The following PLCG1 variants were observed in gnomAD, a reference collection of about 807,000 sequenced individuals.
The protein encoded by PLCG1 is 1-phosphatidylinositol 4,5-bisphosphate phosphodiesterase gamma-1.
In PLCG1, 71 loss-of-function variants were observed where a neutral mutation model predicts 177.8. The observed-to-expected ratio is 0.40, with a 90% CI of 0.33 to 0.49. PLCG1 has a LOEUF of 0.49. Among genes scored for constraint, PLCG1 ranks in the 20% least tolerant of loss-of-function variants. The pLI is 0.72. For missense variants in PLCG1, 1,281 were observed against 1,709.0 expected, an observed-to-expected ratio of 0.75 and a Z score of 4.42; for synonymous variants, 658 against 647.9, an observed-to-expected ratio of 1.02 and a Z score of -0.24.
chr20:41,173,383 G>A lies in PLCG1; in HGVS notation c.3280-37G>A. On this transcript the variant is annotated intron_variant, in intron 27 of 31. Transcript: ENST00000685551. The surrounding 1 kb of genome is among the most constrained non-coding windows in gnomAD (Gnocchi z 6.2). Reference sequence around the variant, plus strand: ...CGCAGTGGGGAATTGGAGGGAGCAGGAAGGACAATCCCAGGCCCTTCTTTG... The same window carrying A: ...CGCAGTGGGGAATTGGAGGGAGCAGAAAGGACAATCCCAGGCCCTTCTTTG... 2.0e-6 allele frequency: 3 copies of A among 1,528,022 alleles called. No individual in the cohort carries two copies. Among genetic ancestry groups the A allele is most frequent in the Non-Finnish European group, 2.6e-6 (3 of 1,135,724 alleles). 94.7% of individuals were successfully genotyped at this position (1,528,022 alleles called of 1,614,324 possible).
chr20:41,153,725 G>A lies in PLCG1; in HGVS notation c.218-5881G>A, dbSNP rs1390665490. Among the ~76,000 whole-genome samples the A allele has an allele frequency of 3.3e-5, 5 of 152,078 alleles. No homozygotes were observed. The highest frequency in any genetic ancestry group is 1.9e-4 in the East Asian group (1 of 5,188). On this transcript the variant is annotated intron_variant, in intron 1 of 31. Coordinates refer to ENST00000685551, the MANE Select transcript of PLCG1 (RefSeq NM_002660.3). The surrounding 1 kb of genome is among the most constrained non-coding windows in gnomAD (Gnocchi z 5.1). Reference sequence around the variant, plus strand: ...CAGCTGGCCAACATGGTGAAACCCCGTCTCTACTAAAAATACAAAAATCAG... The same window carrying A: ...CAGCTGGCCAACATGGTGAAACCCCATCTCTACTAAAAATACAAAAATCAG...
In PLCG1 at chr20:41,164,109, G is replaced by A. The variant is rs2146040706; in HGVS notation, c.1125G>A (p.Met375Ile). 6.2e-7 allele frequency: 1 copy of A among 1,614,174 alleles called. No individual in the cohort carries two copies. Among genetic ancestry groups the A allele is most frequent in the East Asian group, 2.2e-5 (1 of 44,866 alleles). The change falls in exon 12 of 32, where the codon ATG becomes ATA. Residue 375 changes from methionine to isoleucine, a missense_variant. By Grantham distance (10) the Met-to-Ile change is conservative. Coordinates refer to ENST00000685551, the MANE Select transcript of PLCG1 (RefSeq NM_002660.3). This position sits in a 1 kb window ranked among gnomAD's most constrained non-coding sequence, Gnocchi z 6.4. ...ACTGCTGGGACGGCCCGGATGGGATGCCAGTTATTTACCATGGGCACACCC... is the reference window on the plus strand; with the variant it reads ...ACTGCTGGGACGGCCCGGATGGGATACCAGTTATTTACCATGGGCACACCC... Reference protein sequence around the residue: ...ELDCWDGPDGMPVIYHGHTLT... With the variant: ...ELDCWDGPDGIPVIYHGHTLT...
Position 41,166,611 on chromosome 20 carries a change from C to G in PLCG1, c.2120+16C>G. The G allele has an allele frequency of 6.2e-7, 1 of 1,614,148 alleles. No homozygotes were observed. The highest frequency in any genetic ancestry group is 8.5e-7 in the Non-Finnish European group (1 of 1,180,018). ...TCTCTTTCCGGTGAGGGGTGTGGCA[C>G]TGGGTTGTGGGGCCTTGCTTGGGTC... On this transcript the variant is annotated intron_variant, in intron 18 of 31. Coordinates refer to ENST00000685551, the MANE Select transcript of PLCG1 (RefSeq NM_002660.3). This position sits in a 1 kb window ranked among gnomAD's most constrained non-coding sequence, Gnocchi z 8.6.
intron 1 of PLCG1, among the ~76,000 whole-genome samples, chr20:41,155,136 A>G (rs1189708572): frequency 6.6e-6 from 1 of 152,234 alleles, no homozygotes; most frequent in East Asian, 1.9e-4. Context: ...TGGCCTCGTC[A>G]TATAACCTTT....
intron 1 of PLCG1, among the ~76,000 whole-genome samples, chr20:41,149,991 C>A (rs1479710359): frequency 6.6e-6 from 1 of 151,908 alleles, no homozygotes; most frequent in South Asian, 2.1e-4. Flanking sequence ...CCCAGGAGTT[C>A]AAGAACAGCC....
At chr20:41,170,079 A>G (rs768956275) in intron 23 of PLCG1, 33 bp from the exon 24 acceptor site, 45 of 1,579,902 alleles carry the variant, frequency 2.8e-5, no homozygotes, top group South Asian at 3.5e-5. Context: ...TGAGATGTCT[A>G]TTCCCAGCTG....
rs2035069983 is a variant in PLCG1 at position 41,148,661 on chromosome 20, GCA to G, written c.217+10804_217+10805del. On this transcript the variant is annotated intron_variant, in intron 1 of 31. Transcript: ENST00000685551. The surrounding 1 kb of genome is among the most constrained non-coding windows in gnomAD (Gnocchi z 4.3). Reference sequence around the variant, plus strand: ...GAGCATTGAAGATGGCAGACATGGTGCAGTCTCTCAAGGAGTTTACGCTCTAG... The same window carrying G: ...GAGCATTGAAGATGGCAGACATGGTGGTCTCTCAAGGAGTTTACGCTCTAG... Among the ~76,000 whole-genome samples the G allele has an allele frequency of 1.3e-5, 2 of 152,312 alleles. No homozygotes were observed. The highest frequency in any genetic ancestry group is 6.5e-5 in the Admixed American group (1 of 15,304).
At position 41,173,563 on chromosome 20, in the gene PLCG1, C is replaced by T. The variant is rs769976276; in HGVS notation, c.3394+29C>T. ...AGTCTGTCTTCCCAGTCATCCTCCTCATCCTGCTGGGGCACTGCAAGCCTC... is the reference window on the plus strand; with the variant it reads ...AGTCTGTCTTCCCAGTCATCCTCCTTATCCTGCTGGGGCACTGCAAGCCTC... On this transcript the variant is annotated intron_variant, in intron 28 of 31. Coordinates refer to ENST00000685551, the MANE Select transcript of PLCG1 (RefSeq NM_002660.3). This position sits in a 1 kb window ranked among gnomAD's most constrained non-coding sequence, Gnocchi z 6.2. The T allele has an allele frequency of 8.7e-6, 14 of 1,613,906 alleles. No homozygotes were observed. In the South Asian group the frequency reaches 8.8e-5, roughly 10 times the overall value.
intron 1 of PLCG1, among the ~76,000 whole-genome samples, chr20:41,140,524 G>C (rs2034788269): frequency 1.3e-5 from 2 of 152,218 alleles, no homozygotes; most frequent in African/African-American, 2.4e-5. Flanking sequence ...GGTGTTGGTA[G>C]ACCTGAGGGA....
rs1218022201 is a variant in PLCG1 at position 41,148,266 on chromosome 20, G to A, written c.217+10408G>A. Among the ~76,000 whole-genome samples the A allele has an allele frequency of 3.9e-5, 6 of 152,322 alleles. No individual in the cohort carries two copies. The highest frequency in any genetic ancestry group is 7.4e-5 in the Non-Finnish European group (5 of 68,016). The stretch of plus-strand genomic sequence containing the variant: ...AGGCAGGAACCAAGGTTGGGGTGGT[G>A]AGATGTCATGGGGTTCAGGGAGTGG... On this transcript the variant is annotated intron_variant, in intron 1 of 31. Coordinates refer to ENST00000685551, the MANE Select transcript of PLCG1 (RefSeq NM_002660.3). This position sits in a 1 kb window ranked among gnomAD's most constrained non-coding sequence, Gnocchi z 4.3.
At position 41,159,806 on chromosome 20, in the gene PLCG1, C is replaced by G; in HGVS notation, c.370+48C>G. ...AGGTAGAGGATAGTTAGGGGAATGC[C>G]TGCTGGCTCCTGCCCAGTGGGAGGT... On this transcript the variant is annotated intron_variant, in intron 2 of 31. Coordinates refer to ENST00000685551, the MANE Select transcript of PLCG1 (RefSeq NM_002660.3). This position sits in a 1 kb window ranked among gnomAD's most constrained non-coding sequence, Gnocchi z 6.0. The G allele has an allele frequency of 6.2e-7, 1 of 1,613,512 alleles. No homozygotes were observed. Among genetic ancestry groups the G allele is most frequent in the Non-Finnish European group, 8.5e-7 (1 of 1,179,400 alleles).
In PLCG1 at chr20:41,157,070, G is replaced by A. The variant is rs1358643204; in HGVS notation, c.218-2536G>A. On this transcript the variant is annotated intron_variant, in intron 1 of 31. Transcript: ENST00000685551. This position sits in a 1 kb window ranked among gnomAD's most constrained non-coding sequence, Gnocchi z 5.4. ...AAGACAGTACAAGGGATCAGGTGTG[G>A]CCAACAGGAACTTGGGAGCATTGGA... 6.6e-6 allele frequency among the ~76,000 whole-genome samples: 1 copy of A among 152,266 alleles called. No individual in the cohort carries two copies. Among genetic ancestry groups the A allele is most frequent in the Non-Finnish European group, 1.5e-5 (1 of 68,054 alleles).
In PLCG1 at chr20:41,162,447, C is replaced by T. The variant is rs2035539083; in HGVS notation, c.513-5C>T. 2 of 1,611,850 alleles carry T rather than the reference C, an allele frequency of 1.2e-6. No homozygotes were observed. Among genetic ancestry groups the T allele is most frequent in the Non-Finnish European group, 1.7e-6 (2 of 1,178,218 alleles). ...AGACCACTGGGGATGTCCCTGTTTT[C>T]TCAGTATATCAGCCAAGGACCTGAA... On this transcript the variant is annotated splice_polypyrimidine_tract_variant and splice_region_variant and intron_variant, in intron 4 of 31. Coordinates refer to ENST00000685551, the MANE Select transcript of PLCG1 (RefSeq NM_002660.3).
Position 41,174,001 on chromosome 20 carries a change from T to C in PLCG1, c.3635T>C (p.Phe1212Ser). The C allele has an allele frequency of 1.9e-6, 3 of 1,613,940 alleles. No homozygotes were observed. Among genetic ancestry groups the C allele is most frequent in the Non-Finnish European group, 2.5e-6 (3 of 1,179,866 alleles). ...LASLLIKIDIFPAKQENGDLS... is the reference protein window; with the variant it reads ...LASLLIKIDISPAKQENGDLS... Reference sequence around the variant, plus strand: ...TCCCTGCTGATCAAGATTGACATTTTCCCTGCCAAGGTATCTGCAGCAGGG... The same window carrying C: ...TCCCTGCTGATCAAGATTGACATTTCCCCTGCCAAGGTATCTGCAGCAGGG... Residue 1212 changes from phenylalanine to serine, a missense_variant, in exon 30 of 32, where the codon TTC (phenylalanine) becomes TCC (serine). By Grantham distance (155) the Phe-to-Ser change is radical. This residue lies in a region of PLCG1 where 153 missense variants were observed against 153.2 expected (regional missense o/e 1.00). Coordinates refer to ENST00000685551, the MANE Select transcript of PLCG1 (RefSeq NM_002660.3). This position sits in a 1 kb window ranked among gnomAD's most constrained non-coding sequence, Gnocchi z 5.8.
At chr20:41,170,940 G>A (rs1290739817) in intron 24 of PLCG1, 3 of 152,490 alleles carry the variant, frequency 2.0e-5, no homozygotes, top group African/African-American at 7.2e-5. Context: ...GGTGACTGGG[G>A]TTTGAGCAGG....
rs1402291945 is a variant in PLCG1, at chr20:41,164,425, T to C, written c.1217+224T>C. The stretch of plus-strand genomic sequence containing the variant: ...CGTGTTGGGCCCACTCTCTTCTTCA[T>C]GGGTCCTTTAGACTGTAGAACACAT... On this transcript the variant is annotated intron_variant, in intron 12 of 31. Coordinates refer to ENST00000685551, the MANE Select transcript of PLCG1 (RefSeq NM_002660.3). The surrounding 1 kb of genome is among the most constrained non-coding windows in gnomAD (Gnocchi z 6.4). 2.0e-5 allele frequency among the ~76,000 whole-genome samples: 3 copies of C among 152,100 alleles called. No individual in the cohort carries two copies. Among genetic ancestry groups the C allele is most frequent in the Non-Finnish European group, 4.4e-5 (3 of 68,018 alleles).
Position 41,160,809 on chromosome 20 carries a change from GGT to G in PLCG1, c.512+660_512+661del, listed in dbSNP as rs2035469712. Among the ~76,000 whole-genome samples, 2 of 152,286 alleles carry G rather than the reference GGT, an allele frequency of 1.3e-5. No homozygotes were observed. The highest frequency in any genetic ancestry group is 1.3e-4 in the Admixed American group (2 of 15,306). On this transcript the variant is annotated intron_variant, in intron 4 of 31. Transcript: ENST00000685551. This position sits in a 1 kb window ranked among gnomAD's most constrained non-coding sequence, Gnocchi z 5.5. ...AATGTCCTTAACAGATTGATTTTGG[GGT>G]GTGAGAGGCATTGAGGATAATAGTA...
Position 41,163,534 on chromosome 20 carries a change from G to C in PLCG1, c.891+55G>C. On this transcript the variant is annotated intron_variant, in intron 9 of 31. Coordinates refer to ENST00000685551, the MANE Select transcript of PLCG1 (RefSeq NM_002660.3). This position sits in a 1 kb window ranked among gnomAD's most constrained non-coding sequence, Gnocchi z 5.2. Reference sequence around the variant, plus strand: ...CAAGAGAATGAGTAGGGGTGACCAGGACCCCACCCGGGCTCCAGGAGCTAG... The same window carrying C: ...CAAGAGAATGAGTAGGGGTGACCAGCACCCCACCCGGGCTCCAGGAGCTAG... 2 of 1,318,706 alleles carry C rather than the reference G, an allele frequency of 1.5e-6. No individual in the cohort carries two copies. Among genetic ancestry groups the C allele is most frequent in the Non-Finnish European group, 1.1e-6 (1 of 915,336 alleles). The allele number at this position is 1,318,706 out of a possible 1,614,324, so 81.7% of individuals were successfully genotyped here.
rs1309897499 is a variant in PLCG1 at position 41,156,485 on chromosome 20, G to A, written c.218-3121G>A. Among the ~76,000 whole-genome samples the A allele has an allele frequency of 2.0e-5, 3 of 152,102 alleles. No homozygotes were observed. Among genetic ancestry groups the A allele is most frequent in the African/African-American group, 7.2e-5 (3 of 41,426 alleles). ...CTGGGCATTAGGCCTTTGTCATTAT[G>A]CTATACATCAGGCTTCTGGGCTGCT... On this transcript the variant is annotated intron_variant, in intron 1 of 31. Transcript: ENST00000685551. The surrounding 1 kb of genome is among the most constrained non-coding windows in gnomAD (Gnocchi z 5.0).
Sources: allele counts gnomAD v4.1 joint callset (sites outside exome capture counted in the v4.1 genomes callset), GRCh38; gene constraint gnomAD v4.1.1; regional missense constraint gnomAD v4.1.1; non-coding constraint Gnocchi (gnomAD v3.1); transcripts MANE v1.5; gene names NCBI Gene and HGNC (gene_info 2026-07-23, HGNC 2026-07-21).